POFUT1: variants seen among roughly 807,000 people sequenced by gnomAD.
The protein encoded by POFUT1 is protein O-fucosyltransferase 1, also known as GDP-fucose protein O-fucosyltransferase 1.
Under a neutral mutation model 42.4 loss-of-function variants are expected in POFUT1, and 16 were observed. The ratio of observed to expected loss-of-function variants is 0.38; its 90% CI spans 0.26 to 0.57. POFUT1 has a LOEUF of 0.57. Ranked by LOEUF, POFUT1 falls within the 20% of genes least tolerant of loss-of-function variation. The pLI is 0.71. For synonymous variants in POFUT1, 206 were observed against 205.4 expected (o/e 1.00, Z -0.03); for missense variants, 470 against 504.6 (o/e 0.93, Z 0.66).
chr20:32,216,234 C>G (rs2047359590), intron 3 of POFUT1, among the ~76,000 whole-genome samples: 1 of 152,126 alleles, frequency 6.6e-6, no homozygotes, highest in African/African-American at 2.4e-5. Flanking sequence ...AGTGTCTGAC[C>G]CTCAGTGGGC....
Position 32,234,491 on chromosome 20 carries a change from A to G in POFUT1, c.997A>G (p.Lys333Glu). Residue 333 changes from lysine (K) to glutamate (E), a missense_variant, in exon 7 of 7, where the codon AAG (lysine) becomes GAG (glutamate). Physicochemically the swap from Lys to Glu is moderately conservative, Grantham distance 56. Coordinates refer to ENST00000375749, the MANE Select transcript of POFUT1 (RefSeq NM_015352.2). ...CCTGCAGGTGAAGGTGGTGAGCCTGAAGCCTGAGGTGGCCCAGGTCGACCT... is the reference window on the plus strand; with the variant it reads ...CCTGCAGGTGAAGGTGGTGAGCCTGGAGCCTGAGGTGGCCCAGGTCGACCT... ...FKGKVKVVSL[K>E]PEVAQVDLYI... 2 of 1,609,472 alleles carry G rather than the reference A, an allele frequency of 1.2e-6. No individual in the cohort carries two copies. The highest frequency in any genetic ancestry group is 1.7e-6 in the Non-Finnish European group (2 of 1,177,670).
Position 32,223,341 on chromosome 20 carries a change from G to A in POFUT1, c.543-4922G>A, listed in dbSNP as rs2047399738. On this transcript the variant is annotated intron_variant, in intron 4 of 6. Transcript: ENST00000375749. The stretch of plus-strand genomic sequence containing the variant: ...CTGTCTTACCTCACCAAAAGTAAGT[G>A]AGCAGATCAGCCTTAGCCTCTTGCT... 7 of 985,268 alleles carry A rather than the reference G, an allele frequency of 7.1e-6. No individual in the cohort carries two copies. In the South Asian group the frequency reaches 3.3e-4, roughly 46 times the overall value. 61.0% of individuals were successfully genotyped at this position (985,268 alleles called of 1,614,324 possible).
rs1318087016 is a variant in POFUT1 at position 32,234,975 on chromosome 20, T to C, written c.*314T>C. 2 of 259,500 alleles carry C rather than the reference T, an allele frequency of 7.7e-6. No homozygotes were observed. Among genetic ancestry groups the C allele is most frequent in the African/African-American group, 2.2e-5 (1 of 45,194 alleles). The allele number at this position is 259,500 out of a possible 1,614,324, so 16.1% of individuals were successfully genotyped here. A position where few individuals can be genotyped will look rare whatever the true frequency, so the allele number is the denominator to read the frequency against. ...CTCTGCTCTGAGCAGCCTGGGATGCTGAACTCTTCAGAGAGATTTTTTTAT... is the reference window on the plus strand; with the variant it reads ...CTCTGCTCTGAGCAGCCTGGGATGCCGAACTCTTCAGAGAGATTTTTTTAT... On this transcript the variant is annotated 3_prime_UTR_variant, in exon 7 of 7. Transcript: ENST00000375749.
At chr20:32,215,189 T>C (rs1271574036) in intron 2 of POFUT1, 80 bp from the exon 3 acceptor site, 3 of 1,129,780 alleles carry the variant, frequency 2.7e-6, no homozygotes, top group Non-Finnish European at 3.9e-6. Flanking sequence ...GCACCTGGCC[T>C]GGAGTGTATT....
rs369143833 is a variant in POFUT1 at position 32,237,766 on chromosome 20, G to A, written c.*3105G>A. The A allele has an allele frequency of 1.9e-6, 1 of 534,714 alleles. No individual in the cohort carries two copies. The highest frequency in any genetic ancestry group is 1.9e-5 in the African/African-American group (1 of 52,084). The allele number at this position is 534,714 out of a possible 1,614,324, so 33.1% of individuals were successfully genotyped here. Reference sequence around the variant, plus strand: ...AGAAAGGGTGAAAGCAGAGAGACCAGTGCAGGGCTGTTAACAGGGTTGCAG... The same window carrying A: ...AGAAAGGGTGAAAGCAGAGAGACCAATGCAGGGCTGTTAACAGGGTTGCAG... On this transcript the variant is annotated 3_prime_UTR_variant, in exon 7 of 7. Coordinates refer to ENST00000375749, the MANE Select transcript of POFUT1 (RefSeq NM_015352.2).
intron 6 of POFUT1, among the ~76,000 whole-genome samples, chr20:32,233,152 G>A (rs1011988727): frequency 7.2e-5 from 11 of 152,236 alleles, no homozygotes; most frequent in African/African-American, 2.7e-4. Context: ...CCAGTCAGGG[G>A]CAGGAGATGA....
intron 4 of POFUT1, chr20:32,223,817 G>C (rs558884934): frequency 1.0e-5 from 4 of 399,764 alleles, no homozygotes; most frequent in African/African-American, 4.3e-5. Flanking sequence ...TGTCAAGGGT[G>C]GGGGAGATGG....
chr20:32,234,368 C>G (rs1050675480), intron 6 of POFUT1, 105 bp from the exon 7 acceptor site: 1 of 1,075,274 alleles, frequency 9.3e-7, no homozygotes, highest in African/African-American at 1.6e-5. Flanking sequence ...TCTGCCCCTC[C>G]TTTTGTGTCT....
intron 6 of POFUT1, 52 bp downstream of exon 6, chr20:32,231,113 C>G (rs1363775118): frequency 6.2e-7 from 1 of 1,600,964 alleles, no homozygotes; most frequent in Admixed American, 1.7e-5. Context: ...AAGGAGGAGC[C>G]AGGATGGTCC....
At chr20:32,213,267 G>GC (rs1287184391) in intron 2 of POFUT1, among the ~76,000 whole-genome samples, 1 of 152,018 alleles carries the variant, frequency 6.6e-6, no homozygotes, top group Non-Finnish European at 1.5e-5. Flanking sequence ...TTCAAGACCA[G>GC]CCTGGCCAAC....
chr20:32,232,216 C>T (rs1315443660), intron 6 of POFUT1, among the ~76,000 whole-genome samples: 1 of 152,028 alleles, frequency 6.6e-6, no homozygotes, highest in African/African-American at 2.4e-5. Context: ...GTGGCTCATG[C>T]CTGTAATCCC....
In POFUT1 at chr20:32,222,442, G is replaced by T. The variant is rs551333875; in HGVS notation, c.542+5721G>T. 3.3e-5 allele frequency among the ~76,000 whole-genome samples: 5 copies of T among 152,294 alleles called. No homozygotes were observed. In the East Asian group the frequency reaches 9.6e-4, roughly 29 times the overall value. The stretch of plus-strand genomic sequence containing the variant: ...CTGGAGGAACAAAAGTTGCGAAAGG[G>T]CATGTCCTCCCTTTTTAAGAAGCCT... On this transcript the variant is annotated intron_variant, in intron 4 of 6. Transcript: ENST00000375749.
intron 6 of POFUT1, 128 bp downstream of exon 6, chr20:32,231,189 C>CCT (rs2047441908): frequency 1.0e-6 from 1 of 990,966 alleles, no homozygotes; most frequent in African/African-American, 1.6e-5. Flanking sequence ...CATTCCTCTT[C>CCT]AGTTCCTACC....
chr20:32,214,567 T>C (rs1457213881), intron 2 of POFUT1, among the ~76,000 whole-genome samples: 2 of 152,250 alleles, frequency 1.3e-5, no homozygotes, highest in African/African-American at 2.4e-5. Context: ...GCTAGTCTCA[T>C]GAGTGAGAAG....
Position 32,238,005 on chromosome 20 carries a change from A to G in POFUT1, c.*3344A>G, listed in dbSNP as rs2047481175. ...GTCCTAGTGTTTTACTTAATAGTGT[A>G]TCATGTTTTCCCTGTTGGTATGTAG... is the stretch of plus-strand genomic sequence containing the variant. On this transcript the variant is annotated 3_prime_UTR_variant, in exon 7 of 7. Coordinates refer to ENST00000375749, the MANE Select transcript of POFUT1 (RefSeq NM_015352.2). 2.8e-6 allele frequency: 1 copy of G among 352,456 alleles called. No homozygotes were observed. Among genetic ancestry groups the G allele is most frequent in the African/African-American group, 2.1e-5 (1 of 46,804 alleles). The allele number at this position is 352,456 out of a possible 1,614,324, so 21.8% of individuals were successfully genotyped here.
rs1010566154 is a variant in POFUT1 at position 32,238,077 on chromosome 20, C to T, written c.*3416C>T. ...ATAAAAAATTCTGTCGAGGAGTGTT[C>T]CATAGTTTATTGTTTTCCTATTATG... On this transcript the variant is annotated 3_prime_UTR_variant, in exon 7 of 7. Coordinates refer to ENST00000375749, the MANE Select transcript of POFUT1 (RefSeq NM_015352.2). 9.3e-6 allele frequency: 3 copies of T among 320,982 alleles called. No homozygotes were observed. The highest frequency in any genetic ancestry group is 1.9e-5 in the Non-Finnish European group (3 of 160,696). The allele number at this position is 320,982 out of a possible 1,614,324, so 19.9% of individuals were successfully genotyped here. A position where few individuals can be genotyped will look rare whatever the true frequency, so the allele number is the denominator to read the frequency against.
intron 5 of POFUT1, 111 bp from the exon 6 acceptor site, chr20:32,230,708 A>AT: frequency 7.7e-7 from 1 of 1,305,382 alleles, no homozygotes; most frequent in Non-Finnish European, 1.0e-6. Context: ...AAAAAAAAAA[A>AT]AATGTAGTTA....
chr20:32,225,497 A>C (rs1421217046), intron 4 of POFUT1, among the ~76,000 whole-genome samples: 1 of 151,468 alleles, frequency 6.6e-6, no homozygotes, highest in Non-Finnish European at 1.5e-5. Context: ...AACTTTTTTA[A>C]ATTTTTTTTG....
chr20:32,217,096 A>G, intron 4 of POFUT1: 4 of 1,608,584 alleles, frequency 2.5e-6, no homozygotes, highest in Non-Finnish European at 3.4e-6. Flanking sequence ...CAGACCGAGA[A>G]ATGACGTCAT....
Sources: allele counts gnomAD v4.1 joint callset (sites outside exome capture counted in the v4.1 genomes callset), GRCh38; gene constraint gnomAD v4.1.1; transcripts MANE v1.5; gene names NCBI Gene and HGNC (gene_info 2026-07-23, HGNC 2026-07-21).